The following NAALADL2 variants were observed in gnomAD, a reference collection of about 807,000 sequenced individuals.
NAALADL2 encodes inactive N-acetylated-alpha-linked acidic dipeptidase-like protein 2.
NAALADL2 carries 76 observed loss-of-function variants against 87.2 expected under a neutral mutation model. That is an observed-to-expected ratio of 0.87 (90% CI 0.72 to 1.05). The LOEUF (loss-of-function observed/expected upper bound fraction) is 1.05, where lower values mean the gene tolerates loss of function less well. Among genes scored for constraint, NAALADL2 ranks in the 50% least tolerant of loss-of-function variants. NAALADL2 has a pLI of 0.00. For synonymous variants in NAALADL2, 354 were observed against 331.0 expected, an observed-to-expected ratio of 1.07 and a Z score of -0.75; for missense variants, 1,089 against 945.8, an observed-to-expected ratio of 1.15 and a Z score of -1.99.
intron 11 of NAALADL2, among the ~76,000 whole-genome samples, chr3:175,656,615 A>G (rs1166926235): frequency 6.6e-6 from 1 of 152,144 alleles, no homozygotes; most frequent in African/African-American, 2.4e-5. Flanking sequence ...GATAATATCT[A>G]TCTAGAGAAC....
At chr3:175,373,257 CA>C (rs1326428810) in intron 5 of NAALADL2, among the ~76,000 whole-genome samples, 1 of 152,166 alleles carries the variant, frequency 6.6e-6, no homozygotes, top group Non-Finnish European at 1.5e-5. Context: ...ATCATGACCA[CA>C]AACAAGATAC....
intron 2 of NAALADL2, among the ~76,000 whole-genome samples, chr3:175,112,310 A>G (rs556320319): frequency 6.6e-6 from 1 of 151,608 alleles, no homozygotes; most frequent in African/African-American, 2.4e-5. Flanking sequence ...TGTCTCTTCC[A>G]AGTCATACTA....
At chr3:174,537,663 G>A (rs192192126) in intron 1 of NAALADL2, among the ~76,000 whole-genome samples, 1 of 152,278 alleles carries the variant, frequency 6.6e-6, no homozygotes, top group East Asian at 1.9e-4. Context: ...CCTAAGCCAG[G>A]CTAGGTATGG....
chr3:175,313,297 C>G (rs1185774984), intron 4 of NAALADL2, among the ~76,000 whole-genome samples: 1 of 152,048 alleles, frequency 6.6e-6, no homozygotes, highest in Admixed American at 6.6e-5. Flanking sequence ...TGAGGGAACA[C>G]AATTCAGTCC....
chr3:174,775,152 A>G (rs906500213), intron 3 of NAALADL2, among the ~76,000 whole-genome samples: 2 of 152,246 alleles, frequency 1.3e-5, no homozygotes, highest in African/African-American at 2.4e-5. Context: ...GATAATTTAT[A>G]TAATATGATA....
At chr3:175,176,517 T>C (rs1735713308) in intron 2 of NAALADL2, among the ~76,000 whole-genome samples, 1 of 152,170 alleles carries the variant, frequency 6.6e-6, no homozygotes, top group Admixed American at 6.6e-5. Context: ...AACCTGTGAA[T>C]ATATTACCTT....
intron 2 of NAALADL2, among the ~76,000 whole-genome samples, chr3:174,620,757 A>C (rs1720918695): frequency 6.6e-6 from 1 of 152,056 alleles, no homozygotes; most frequent in South Asian, 2.1e-4. Flanking sequence ...AGTTGGGTGC[A>C]CATAAATACT....
chr3:174,572,959 TTAAGTAAC>T (rs1204073303), intron 2 of NAALADL2, among the ~76,000 whole-genome samples: 1 of 152,096 alleles, frequency 6.6e-6, no homozygotes, highest in East Asian at 1.9e-4. Context: ...CCCAGAGAAG[TTAAGTAAC>T]TTGATCAAGG....
At chr3:175,667,224 A>AAAGAAAGAAAG (rs1222422980) in intron 11 of NAALADL2, among the ~76,000 whole-genome samples, 1 of 123,764 alleles carries the variant, frequency 8.1e-6, no homozygotes, top group Non-Finnish European at 1.6e-5. Context: ...AGAAAGAAAG[A>AAAGAAAGAAAG]AAGAAAGAAA....
At chr3:174,554,951 A>G (rs890374389) in intron 2 of NAALADL2, among the ~76,000 whole-genome samples, 21 of 152,166 alleles carry the variant, frequency 1.4e-4, no homozygotes, top group African/African-American at 5.1e-4. Context: ...GTGTTCTTCT[A>G]TGTTTCTTCA....
chr3:174,608,145 T>A (rs949213319), intron 2 of NAALADL2, among the ~76,000 whole-genome samples: 1 of 151,414 alleles, frequency 6.6e-6, no homozygotes, highest in Non-Finnish European at 1.5e-5. Context: ...CATACCAGAA[T>A]CTCTGGGACA....
chr3:175,034,530 T>C (rs1331613246), intron 1 of NAALADL2, among the ~76,000 whole-genome samples: 2 of 152,140 alleles, frequency 1.3e-5, no homozygotes, highest in Non-Finnish European at 2.9e-5. Context: ...TCAAATGACA[T>C]CTTATCAAAG....
At chr3:174,774,595 A>G (rs1578872699) in intron 3 of NAALADL2, among the ~76,000 whole-genome samples, 1 of 152,144 alleles carries the variant, frequency 6.6e-6, no homozygotes, top group African/African-American at 2.4e-5. Context: ...GCCTCATCTT[A>G]CTAAGTACAT....
chr3:174,502,166 C>G (rs1342364089), intron 1 of NAALADL2, among the ~76,000 whole-genome samples: 2 of 152,116 alleles, frequency 1.3e-5, no homozygotes, highest in Non-Finnish European at 2.9e-5. Context: ...AGTGTTTTCC[C>G]TCCCATTATT....
intron 2 of NAALADL2, among the ~76,000 whole-genome samples, chr3:175,226,376 C>G (rs1488569996): frequency 6.6e-6 from 1 of 152,078 alleles, no homozygotes; most frequent in Non-Finnish European, 1.5e-5. Flanking sequence ...TTATTTCCAC[C>G]TACCTCTTAC....
At chr3:174,831,678 G>T (rs952718426) in intron 3 of NAALADL2, among the ~76,000 whole-genome samples, 2 of 151,242 alleles carry the variant, frequency 1.3e-5, no homozygotes, top group African/African-American at 2.4e-5. Flanking sequence ...GTTTCAGAAG[G>T]AATGGTACCA....
chr3:175,491,559 G>T lies in NAALADL2; in HGVS notation c.1653+19801G>T, dbSNP rs377132015. Among the ~76,000 whole-genome samples the T allele has an allele frequency of 3.1e-3, 465 of 152,220 alleles. 3 individuals carry two copies. The highest frequency in any genetic ancestry group is 0.011 in the African/African-American group (438 of 41,548). ...AAATCATTCCCGATATATGTTTCTA[G>T]TTATTTACTGTTTCATTTATATGAA... On this transcript the variant is annotated intron_variant, in intron 9 of 13. Coordinates refer to ENST00000454872, the MANE Select transcript of NAALADL2 (RefSeq NM_207015.3).
chr3:175,633,655 C>A (rs1245879038), intron 11 of NAALADL2, among the ~76,000 whole-genome samples: 1 of 151,816 alleles, frequency 6.6e-6, no homozygotes, highest in Non-Finnish European at 1.5e-5. Context: ...ACCATGGAAA[C>A]CAGCAAATGA....
chr3:175,350,063 A>G (rs1401970626), intron 5 of NAALADL2, among the ~76,000 whole-genome samples: 1 of 151,662 alleles, frequency 6.6e-6, no homozygotes, highest in African/African-American at 2.4e-5. Context: ...TTGAAAAAAA[A>G]AAAAAGGATA....
Sources: allele counts gnomAD v4.1 joint callset (sites outside exome capture counted in the v4.1 genomes callset), GRCh38; gene constraint gnomAD v4.1.1; transcripts MANE v1.5; gene names NCBI Gene and HGNC (gene_info 2026-07-23, HGNC 2026-07-21).